The following LPP variants were observed in gnomAD, a reference collection of about 807,000 sequenced individuals.
The protein encoded by LPP is lipoma-preferred partner.
LPP carries 38 observed loss-of-function variants against 60.4 expected under a neutral mutation model. That is an observed-to-expected ratio of 0.63 (90% CI 0.49 to 0.83). The LOEUF (loss-of-function observed/expected upper bound fraction) is 0.83. Ranked by LOEUF, LPP falls within the 40% of genes least tolerant of loss-of-function variation. The pLI is 0.00. For missense variants in LPP, 902 were observed against 783.6 expected (o/e 1.15, Z -1.80); for synonymous variants, 328 against 290.8 (o/e 1.13, Z -1.30).
chr3:188,252,405 G>A (rs1399604049), intron 2 of LPP, among the ~76,000 whole-genome samples: 1 of 143,042 alleles, frequency 7.0e-6, no homozygotes, highest in East Asian at 2.1e-4. Flanking sequence ...CCTATGCTTG[G>A]ACAGTTGGAT....
chr3:188,684,088 T>C (rs112358183), intron 7 of LPP, among the ~76,000 whole-genome samples: 1 of 152,256 alleles, frequency 6.6e-6, no homozygotes, highest in South Asian at 2.1e-4. Context: ...CACATACGCA[T>C]TGGCTGATCA....
At chr3:188,764,375 T>A (rs35722552) in intron 9 of LPP, among the ~76,000 whole-genome samples, 46,185 of 152,114 alleles carry the variant, frequency 0.3, 7,404 homozygotes, top group South Asian at 0.56. Context: ...TTTACTAATA[T>A]AAGTGCTTAA....
chr3:188,267,378 T>C (rs1259285418), intron 2 of LPP, among the ~76,000 whole-genome samples: 1 of 152,222 alleles, frequency 6.6e-6, no homozygotes, highest in Non-Finnish European at 1.5e-5. Flanking sequence ...AAACCTACAA[T>C]AGTAAGTTCT....
At chr3:188,206,611 A>G (rs1250750704) in intron 1 of LPP, among the ~76,000 whole-genome samples, 3 of 152,214 alleles carry the variant, frequency 2.0e-5, no homozygotes, top group Admixed American at 6.5e-5. Flanking sequence ...TTTTTGTTAT[A>G]CAAGATTGTT....
Position 188,876,141 on chromosome 3 carries a change from C to A in LPP, c.*1662C>A. ...GATGTTCAGATTTCTAGTTTTTTTT[C>A]TAGTTTTTAATTTTAACATCAGAAC... On this transcript the variant is annotated 3_prime_UTR_variant, in exon 12 of 12. Transcript: ENST00000617246. 1 of 188,368 alleles carries A rather than the reference C, an allele frequency of 5.3e-6. No homozygotes were observed. The highest frequency in any genetic ancestry group is 2.3e-5 in the African/African-American group (1 of 42,808). The allele number at this position is 188,368 out of a possible 1,614,324, so 11.7% of individuals were successfully genotyped here. A position where few individuals can be genotyped will look rare whatever the true frequency, so the allele number is the denominator to read the frequency against.
At chr3:188,748,889 C>A (rs1283049657) in intron 8 of LPP, among the ~76,000 whole-genome samples, 8 of 152,162 alleles carry the variant, frequency 5.3e-5, no homozygotes, top group Non-Finnish European at 5.9e-5. Context: ...TCATTTTATA[C>A]CAGCTATGGT....
At chr3:188,240,271 A>G (rs1252953811) in intron 2 of LPP, 1 of 169,920 alleles carries the variant, frequency 5.9e-6, no homozygotes, top group Non-Finnish European at 1.3e-5. Flanking sequence ...GAGGGGGAAC[A>G]TGGGTAGGAA....
At chr3:188,383,676 T>C (rs1470763965) in intron 3 of LPP, among the ~76,000 whole-genome samples, 1 of 152,208 alleles carries the variant, frequency 6.6e-6, no homozygotes, top group Non-Finnish European at 1.5e-5. Flanking sequence ...TTTCAGCCAG[T>C]CCTTGCTCAA....
At chr3:188,521,558 G>A (rs1818879824) in intron 5 of LPP, among the ~76,000 whole-genome samples, 1 of 152,044 alleles carries the variant, frequency 6.6e-6, no homozygotes, top group Non-Finnish European at 1.5e-5. Flanking sequence ...CTTAATGAAT[G>A]ATGCTTCCCT....
At chr3:188,541,765 C>T (rs551205131) in intron 6 of LPP, among the ~76,000 whole-genome samples, 37 of 151,982 alleles carry the variant, frequency 2.4e-4, no homozygotes, top group African/African-American at 6.0e-4. Flanking sequence ...TGCATGGTGG[C>T]GGGCACCTGT....
At position 188,538,748 on chromosome 3, in the gene LPP, T is replaced by A. The variant is rs558915364; in HGVS notation, c.429+13961T>A. Among the ~76,000 whole-genome samples, 8 of 152,316 alleles carry A rather than the reference T, an allele frequency of 5.3e-5. No homozygotes were observed. In the South Asian group the frequency reaches 1.7e-3, roughly 32 times the overall value. ...TATAGAGATGTTCATAGCAACATGA[T>A]TCATAACAGCCTAAAAGTGGGAACA... On this transcript the variant is annotated intron_variant, in intron 6 of 11. Transcript: ENST00000617246.
chr3:188,170,168 T>C (rs1721138757), intron 1 of LPP, among the ~76,000 whole-genome samples: 1 of 152,258 alleles, frequency 6.6e-6, no homozygotes, highest in Non-Finnish European at 1.5e-5. Context: ...CAGAACTTTC[T>C]GCCTTCGGCT....
chr3:188,682,410 C>T (rs1312017474), intron 7 of LPP, among the ~76,000 whole-genome samples: 1 of 152,234 alleles, frequency 6.6e-6, no homozygotes, highest in South Asian at 2.1e-4. Context: ...CACACATCTA[C>T]ACCGTGCAGC....
intron 8 of LPP, among the ~76,000 whole-genome samples, chr3:188,736,645 G>T (rs1372014491): frequency 2.0e-5 from 3 of 151,904 alleles, no homozygotes; most frequent in African/African-American, 7.3e-5. Context: ...CAGATAGATG[G>T]ATGGATGGAT....
intron 4 of LPP, among the ~76,000 whole-genome samples, chr3:188,470,315 CACACGCACACAT>C (rs1801521699): frequency 7.5e-6 from 1 of 134,164 alleles, no homozygotes; most frequent in Admixed American, 7.9e-5. Flanking sequence ...CACACACACA[CACACGCACACAT>C]AAACCACATA....
chr3:188,720,728 A>G (rs917576141), intron 8 of LPP, among the ~76,000 whole-genome samples: 1 of 151,998 alleles, frequency 6.6e-6, no homozygotes, highest in Non-Finnish European at 1.5e-5. Context: ...CAGATTTCCT[A>G]TAGTACTGTA....
chr3:188,204,457 G>C (rs1352768711), intron 1 of LPP, among the ~76,000 whole-genome samples: 1 of 152,118 alleles, frequency 6.6e-6, no homozygotes, highest in East Asian at 1.9e-4. Context: ...GAGTAGCGGG[G>C]GGTGATTCTC....
chr3:188,604,307 G>T (rs1485762839), intron 6 of LPP, among the ~76,000 whole-genome samples: 3 of 152,100 alleles, frequency 2.0e-5, no homozygotes, highest in Non-Finnish European at 4.4e-5. Context: ...AATTCAGAAT[G>T]TACTTTGTTT....
chr3:188,299,202 C>T (rs1202166877), intron 2 of LPP, among the ~76,000 whole-genome samples: 2 of 152,130 alleles, frequency 1.3e-5, no homozygotes, highest in African/African-American at 4.8e-5. Flanking sequence ...GTGTGTGCTG[C>T]GTGGAGACTG....
Sources: allele counts gnomAD v4.1 joint callset (sites outside exome capture counted in the v4.1 genomes callset), GRCh38; gene constraint gnomAD v4.1.1; transcripts MANE v1.5; gene names NCBI Gene and HGNC (gene_info 2026-07-23, HGNC 2026-07-21).